Variants in SLC22A23 observed in about 807,000 individuals in gnomAD.
SLC22A23 encodes the protein ion transporter protein.
In SLC22A23, 26 loss-of-function variants were observed where a neutral mutation model predicts 61.0. That is an observed-to-expected ratio of 0.43 (90% CI 0.31 to 0.59). The LOEUF is 0.59. Among genes scored for constraint, SLC22A23 ranks in the 20% least tolerant of loss-of-function variants. The pLI is 0.11. For missense variants in SLC22A23, 796 were observed against 934.7 expected (o/e 0.85, Z 1.94); for synonymous variants, 430 against 413.9 (o/e 1.04, Z -0.47).
rs536245606 is a variant in SLC22A23 at position 3,298,079 on chromosome 6, C to T, written c.1210+12G>A. 3.2e-5 allele frequency: 49 copies of T among 1,517,214 alleles called. No homozygotes were observed. The Admixed American group carries it at 6.2e-4, about 19-fold the overall frequency. 94.0% of individuals were successfully genotyped at this position (1,517,214 alleles called of 1,614,324 possible). A position where few individuals can be genotyped will look rare whatever the true frequency, so the allele number is the denominator to read the frequency against. On this transcript the variant is annotated intron_variant, in intron 5 of 9. Coordinates refer to ENST00000406686, the MANE Select transcript of SLC22A23 (RefSeq NM_015482.2). ...AGCCTCTCTGAGCCCTGCCAGCCCG[C>T]GGTGTGCTCACCTGGTATCACACCC...
intron 4 of SLC22A23, chr6:3,312,267 G>A (rs913525887): frequency 7.9e-5 from 12 of 152,156 alleles, no homozygotes; most frequent in African/African-American, 2.9e-4. Context: ...ATGTGGCTGG[G>A]TTAACCTTCT....
intron 1 of SLC22A23, among the ~76,000 whole-genome samples, chr6:3,455,067 G>A (rs949942953): frequency 2.0e-5 from 3 of 152,068 alleles, no homozygotes; most frequent in Admixed American, 6.5e-5. Context: ...GCTGTCTAGG[G>A]GCATTGAGTG....
intron 4 of SLC22A23, among the ~76,000 whole-genome samples, chr6:3,316,152 C>T (rs1306955532): frequency 6.6e-6 from 1 of 152,206 alleles, no homozygotes; most frequent in African/African-American, 2.4e-5. Context: ...AGGGACTGCA[C>T]TTTGAGAACC....
chr6:3,318,630 A>G lies in SLC22A23; in HGVS notation c.1082+5204T>C, dbSNP rs1294796875. Reference sequence around the variant, plus strand: ...GTACCCCTTCCTCCTGGGAACTGAGAGTAATAAATGATCTTTCAATGGCAA... The same window carrying G: ...GTACCCCTTCCTCCTGGGAACTGAGGGTAATAAATGATCTTTCAATGGCAA... On this transcript the variant is annotated intron_variant, in intron 4 of 9. Transcript: ENST00000406686. This position sits in a 1 kb window ranked among gnomAD's most constrained non-coding sequence, Gnocchi z 4.3. Among the ~76,000 whole-genome samples the G allele has an allele frequency of 1.3e-5, 2 of 152,082 alleles. No individual in the cohort carries two copies. The highest frequency in any genetic ancestry group is 4.8e-5 in the African/African-American group (2 of 41,390).
Position 3,415,863 on chromosome 6 carries a change from G to C in SLC22A23, c.655-8C>G. On this transcript the variant is annotated splice_polypyrimidine_tract_variant and splice_region_variant and intron_variant, in intron 1 of 9. Transcript: ENST00000406686. ...ATCACACACAAGATCCCACTAGAGA[G>C]GGGCAAATAGAAAATAAATCAGAGA... The C allele has an allele frequency of 6.5e-7, 1 of 1,533,466 alleles. No homozygotes were observed. Among genetic ancestry groups the C allele is most frequent in the Non-Finnish European group, 8.8e-7 (1 of 1,130,170 alleles). The allele number at this position is 1,533,466 out of a possible 1,614,324, so 95.0% of individuals were successfully genotyped here. A position where few individuals can be genotyped will look rare whatever the true frequency, so the allele number is the denominator to read the frequency against.
rs185868235 is a variant in SLC22A23, at chr6:3,324,168, G to A, written c.914-166C>T. Reference sequence around the variant, plus strand: ...TGTGGTGTGCCAGTGTTTTACGGGCGCGTTGAGGCTCCAACTGGGAAGGGA... The same window carrying A: ...TGTGGTGTGCCAGTGTTTTACGGGCACGTTGAGGCTCCAACTGGGAAGGGA... On this transcript the variant is annotated intron_variant, in intron 3 of 9. Transcript: ENST00000406686. The surrounding 1 kb of genome is among the most constrained non-coding windows in gnomAD (Gnocchi z 4.3). The A allele has an allele frequency of 2.5e-5, 19 of 769,748 alleles. No individual in the cohort carries two copies. Among genetic ancestry groups the A allele is most frequent in the Middle Eastern group, 2.4e-4 (1 of 4,138 alleles). 47.7% of individuals were successfully genotyped at this position (769,748 alleles called of 1,614,324 possible). A position where few individuals can be genotyped will look rare whatever the true frequency, so the allele number is the denominator to read the frequency against.
At position 3,297,253 on chromosome 6, in the gene SLC22A23, G is replaced by A. The variant is rs1226129387; in HGVS notation, c.1210+838C>T. Among the ~76,000 whole-genome samples, 1 of 152,214 alleles carries A rather than the reference G, an allele frequency of 6.6e-6. No individual in the cohort carries two copies. The highest frequency in any genetic ancestry group is 1.5e-5 in the Non-Finnish European group (1 of 68,044). ...TGATCACAAGCATTTCTGGTCAGGG[G>A]GGAAAATGAGCATATTCTCTCTTGG... On this transcript the variant is annotated intron_variant, in intron 5 of 9. Transcript: ENST00000406686. This position sits in a 1 kb window ranked among gnomAD's most constrained non-coding sequence, Gnocchi z 4.3.
At chr6:3,428,073 C>T (rs143804319) in intron 1 of SLC22A23, among the ~76,000 whole-genome samples, 67 of 152,360 alleles carry the variant, frequency 4.4e-4, no homozygotes, top group African/African-American at 1.6e-3. Context: ...GCCAGGATCA[C>T]TACCCTGAGA....
At chr6:3,291,610 A>AT (rs1258687023) in intron 5 of SLC22A23, 2 of 152,068 alleles carry the variant, frequency 1.3e-5, no homozygotes, top group Non-Finnish European at 2.9e-5. Flanking sequence ...AAGGTCCATT[A>AT]TTTTTCCTCA....
At chr6:3,356,931 G>A (rs1363949414) in intron 3 of SLC22A23, among the ~76,000 whole-genome samples, 1 of 152,044 alleles carries the variant, frequency 6.6e-6, no homozygotes, top group East Asian at 1.9e-4. Flanking sequence ...CTCTAGGAGA[G>A]GCGCAGGCTT....
At chr6:3,418,084 C>T (rs1769852689) in intron 1 of SLC22A23, among the ~76,000 whole-genome samples, 2 of 152,174 alleles carry the variant, frequency 1.3e-5, no homozygotes, top group Admixed American at 6.5e-5. Flanking sequence ...TTGGTTTATA[C>T]ACTCTGGGAG....
At chr6:3,346,286 G>A (rs926909184) in intron 3 of SLC22A23, among the ~76,000 whole-genome samples, 3 of 152,108 alleles carry the variant, frequency 2.0e-5, no homozygotes, top group African/African-American at 7.2e-5. Context: ...ACCCAGCATT[G>A]CACGTCTGAA....
chr6:3,413,898 CCT>C (rs1769463164), intron 2 of SLC22A23, among the ~76,000 whole-genome samples: 1 of 152,306 alleles, frequency 6.6e-6, no homozygotes, highest in Non-Finnish European at 1.5e-5. Flanking sequence ...GCAGCCTGCC[CCT>C]GATTCCCGGG....
chr6:3,313,427 A>G (rs879712988), intron 4 of SLC22A23: 2 of 152,184 alleles, frequency 1.3e-5, no homozygotes, highest in Admixed American at 1.3e-4. Flanking sequence ...ATTATTGCCT[A>G]TTGATTCAAG....
rs548294589 is a variant in SLC22A23 at position 3,318,182 on chromosome 6, C to G, written c.1082+5652G>C. The stretch of plus-strand genomic sequence containing the variant: ...CTGCGGCTGCTGCCTATTAACCAAG[C>G]CTTTGTATTTTCTGTATTTCCTAAT... On this transcript the variant is annotated intron_variant, in intron 4 of 9. Coordinates refer to ENST00000406686, the MANE Select transcript of SLC22A23 (RefSeq NM_015482.2). The surrounding 1 kb of genome is among the most constrained non-coding windows in gnomAD (Gnocchi z 4.3). Among the ~76,000 whole-genome samples the G allele has an allele frequency of 1.3e-5, 2 of 152,164 alleles. No individual in the cohort carries two copies. Among genetic ancestry groups the G allele is most frequent in the African/African-American group, 4.8e-5 (2 of 41,416 alleles).
chr6:3,373,241 C>T (rs1404721806), intron 3 of SLC22A23, among the ~76,000 whole-genome samples: 2 of 152,224 alleles, frequency 1.3e-5, no homozygotes, highest in African/African-American at 4.8e-5. Flanking sequence ...CAACCCTGGA[C>T]ATGTGTTGTC....
In SLC22A23 at chr6:3,357,395, T is replaced by C. The variant is rs149825297; in HGVS notation, c.914-33393A>G. Among the ~76,000 whole-genome samples, 133 of 152,334 alleles carry C rather than the reference T, an allele frequency of 8.7e-4. 1 individual carries two copies. Among genetic ancestry groups the C allele is most frequent in the African/African-American group, 2.7e-3 (114 of 41,576 alleles). ...AATAGTGTAAGGATTAATCGCCTTA[T>C]CAATTAGCATGAGGAAAGGACTGCA... On this transcript the variant is annotated intron_variant, in intron 3 of 9. Transcript: ENST00000406686.
chr6:3,418,179 G>C (rs1025623396), intron 1 of SLC22A23, among the ~76,000 whole-genome samples: 21 of 152,190 alleles, frequency 1.4e-4, no homozygotes, highest in African/African-American at 4.8e-4. Flanking sequence ...ATCTTGGCAG[G>C]AGAGGAACAC....
chr6:3,296,856 C>A (rs4305776), intron 5 of SLC22A23, among the ~76,000 whole-genome samples: 1 of 152,050 alleles, frequency 6.6e-6, no homozygotes, highest in Non-Finnish European at 1.5e-5. Flanking sequence ...ATCTTCTGAA[C>A]TGGGAGTCTA....
Sources: gnomAD v4.1 joint callset for allele counts (sites outside exome capture counted in the v4.1 genomes callset) on GRCh38, gnomAD v4.1.1 for gene constraint, Gnocchi (gnomAD v3.1) non-coding constraint, MANE v1.5 for transcripts, NCBI Gene and HGNC (gene_info 2026-07-23, HGNC 2026-07-21) for gene names.